Variants in SRGAP2C observed in about 807,000 individuals in gnomAD.
The protein encoded by SRGAP2C is SLIT-ROBO Rho GTPase-activating protein 2C.
SRGAP2C carries 15 observed loss-of-function variants against 25.1 expected under a neutral mutation model. The ratio of observed to expected loss-of-function variants is 0.60; its 90% CI spans 0.40 to 0.92. The LOEUF is 0.92. Among genes scored for constraint, SRGAP2C ranks in the 40% least tolerant of loss-of-function variants. The pLI, the probability that SRGAP2C is intolerant of heterozygous loss-of-function variation, is 0.00. For missense variants in SRGAP2C, 144 were observed against 264.4 expected (o/e 0.54, Z 3.16); for synonymous variants, 44 against 96.6 (o/e 0.46, Z 3.19).
At chr1:121,249,580 A>ATATTTT in intron 2 of SRGAP2C, among the ~76,000 whole-genome samples, 1 of 22,372 alleles carries the variant, frequency 4.5e-5, no homozygotes, top group East Asian at 2.4e-3. Flanking sequence ...ATATATATAT[A>ATATTTT]TTTTTTTTTT....
chr1:121,351,731 A>T lies in SRGAP2C; in HGVS notation c.424-13562A>T, dbSNP rs1469125737. Among the ~76,000 whole-genome samples the T allele has an allele frequency of 4.0e-5, 6 of 148,636 alleles. No homozygotes were observed. The East Asian group carries it at 1.2e-3, about 29-fold the overall frequency. On this transcript the variant is annotated intron_variant, in intron 4 of 9. Coordinates refer to ENST00000367123, the MANE Select transcript of SRGAP2C (RefSeq NM_001329984.2). ...AAACAAAGTATGGCATACCTATACAATTTAAACAAAATGTGTCATGTCCAT... is the reference window on the plus strand; with the variant it reads ...AAACAAAGTATGGCATACCTATACATTTTAAACAAAATGTGTCATGTCCAT...
chr1:121,249,572 ATATATATAT>A (rs1426097534), intron 2 of SRGAP2C, among the ~76,000 whole-genome samples: 11 of 27,490 alleles, frequency 4.0e-4, no homozygotes, highest in African/African-American at 6.3e-4. Context: ...ATATATATAT[ATATATATAT>A]TTTTTTTTTT....
In SRGAP2C at chr1:121,269,923, AT is replaced by A. The variant is rs587736467; in HGVS notation, c.68-14879del. ...TAAACTTCCTTGCACTACTCTTCCT[AT>A]CTCTCAATTTTTATAGCTTATCTTT... On this transcript the variant is annotated intron_variant, in intron 2 of 9. Transcript: ENST00000367123. 6.1e-3 allele frequency among the ~76,000 whole-genome samples: 921 copies of A among 151,392 alleles called. 15 individuals carry two copies. The highest frequency in any genetic ancestry group is 0.021 in the African/African-American group (850 of 41,366).
chr1:121,263,156 C>A (rs1553333756), intron 2 of SRGAP2C, among the ~76,000 whole-genome samples: 1 of 151,014 alleles, frequency 6.6e-6, no homozygotes, highest in Non-Finnish European at 1.5e-5. Flanking sequence ...GAGTTTGAGA[C>A]CAGCCTGGCC....
At chr1:121,361,763 T>C (rs1415625982) in intron 4 of SRGAP2C, 15 of 150,612 alleles carry the variant, frequency 1.0e-4, no homozygotes, top group African/African-American at 3.5e-4. Flanking sequence ...ATTCTAAATT[T>C]AGGCATCTTT....
At chr1:121,289,403 G>A (rs1199857622) in intron 3 of SRGAP2C, among the ~76,000 whole-genome samples, 19 of 151,806 alleles carry the variant, frequency 1.3e-4, no homozygotes, top group African/African-American at 3.1e-4. Flanking sequence ...CTCCGAGTGC[G>A]GGGCCCACCA....
chr1:121,322,866 T>C (rs1164351201), intron 3 of SRGAP2C, among the ~76,000 whole-genome samples: 2 of 152,066 alleles, frequency 1.3e-5, no homozygotes, highest in African/African-American at 4.8e-5. Context: ...ACTGACCCAA[T>C]AACCAAGCTA....
chr1:121,312,653 T>A (rs1264753722), intron 3 of SRGAP2C, among the ~76,000 whole-genome samples: 1 of 106,172 alleles, frequency 9.4e-6, no homozygotes, highest in Non-Finnish European at 2.0e-5. Flanking sequence ...TCAAAGAACA[T>A]CTTTATTTCT....
At chr1:121,199,064 A>G (rs1215175745) in intron 2 of SRGAP2C, among the ~76,000 whole-genome samples, 2 of 152,046 alleles carry the variant, frequency 1.3e-5, no homozygotes, top group East Asian at 3.9e-4. Context: ...AGTGCTTCTT[A>G]TGTCTCAGCT....
chr1:121,221,991 C>G (rs1260696193), intron 2 of SRGAP2C, among the ~76,000 whole-genome samples: 1 of 152,124 alleles, frequency 6.6e-6, no homozygotes, highest in Non-Finnish European at 1.5e-5. Context: ...GTGGATGTCA[C>G]TCTTCTTCAG....
intron 2 of SRGAP2C, among the ~76,000 whole-genome samples, chr1:121,201,529 G>T (rs1654977164): frequency 2.0e-5 from 3 of 152,142 alleles, no homozygotes; most frequent in African/African-American, 7.3e-5. Flanking sequence ...ACCTTCTCTT[G>T]TGTTAAATCT....
chr1:121,365,865 C>T lies in SRGAP2C; in HGVS notation c.486+510C>T, dbSNP rs1165022703. Among the ~76,000 whole-genome samples, 3 of 130,070 alleles carry T rather than the reference C, an allele frequency of 2.3e-5. No homozygotes were observed. In the East Asian group the frequency reaches 7.9e-4, roughly 34 times the overall value. The allele number at this position is 130,070 out of a possible 152,430, so 85.3% of individuals were successfully genotyped here. On this transcript the variant is annotated intron_variant, in intron 5 of 9. Coordinates refer to ENST00000367123, the MANE Select transcript of SRGAP2C (RefSeq NM_001329984.2). The stretch of plus-strand genomic sequence containing the variant: ...GAGGGACCAGTTTGAGCAGAGAGAG[C>T]TTTGCACTGGCTTCCTGGAGTTTTA...
intron 2 of SRGAP2C, among the ~76,000 whole-genome samples, chr1:121,244,009 G>A (rs1208818987): frequency 6.8e-6 from 1 of 146,398 alleles, no homozygotes; most frequent in Non-Finnish European, 1.5e-5. Context: ...CAGTATTGGA[G>A]GAAGGTGTTA....
intron 2 of SRGAP2C, among the ~76,000 whole-genome samples, chr1:121,239,206 A>ATATAC (rs1656043164): frequency 2.2e-4 from 1 of 4,580 alleles, no homozygotes; most frequent in Non-Finnish European, 3.0e-4. Flanking sequence ...ATATATATAT[A>ATATAC]TATATATATA....
chr1:121,391,226 T>C lies in SRGAP2C; in HGVS notation c.*3371T>C, dbSNP rs1660072024. Reference sequence around the variant, plus strand: ...ACACAAAAAAATTAGCTGGGCGTGGTGGCGCATGCCTCATTCACGTACATG... The same window carrying C: ...ACACAAAAAAATTAGCTGGGCGTGGCGGCGCATGCCTCATTCACGTACATG... On this transcript the variant is annotated 3_prime_UTR_variant, in exon 10 of 10. Transcript: ENST00000367123. 6.6e-6 allele frequency: 1 copy of C among 151,912 alleles called. No homozygotes were observed. Among genetic ancestry groups the C allele is most frequent in the South Asian group, 2.1e-4 (1 of 4,816 alleles). The allele number at this position is 151,912 out of a possible 1,614,324, so 9.4% of individuals were successfully genotyped here.
chr1:121,369,546 C>T (rs1193485370), intron 5 of SRGAP2C, among the ~76,000 whole-genome samples: 74 of 152,056 alleles, frequency 4.9e-4, no homozygotes, highest in African/African-American at 1.7e-3. Flanking sequence ...TGTGTGCTGG[C>T]AGAGCTACTT....
At chr1:121,370,428 T>G (rs1196237912) in intron 5 of SRGAP2C, among the ~76,000 whole-genome samples, 1 of 134,790 alleles carries the variant, frequency 7.4e-6, no homozygotes, top group Non-Finnish European at 1.6e-5. Flanking sequence ...GCCTCACTGT[T>G]CTCAGACTTC....
chr1:121,315,260 C>A (rs1570778526), intron 3 of SRGAP2C, among the ~76,000 whole-genome samples: 1 of 152,124 alleles, frequency 6.6e-6, no homozygotes, highest in East Asian at 1.9e-4. Flanking sequence ...CTTCCCACCT[C>A]AGCCTCCTGA....
At chr1:121,339,362 G>A (rs1482200621) in intron 4 of SRGAP2C, among the ~76,000 whole-genome samples, 12 of 150,348 alleles carry the variant, frequency 8.0e-5, no homozygotes, top group Admixed American at 1.3e-4. Context: ...AGTGATTCTC[G>A]TGCCTCAGCC....
Sources: allele counts gnomAD v4.1 joint callset (sites outside exome capture counted in the v4.1 genomes callset), GRCh38; gene constraint gnomAD v4.1.1; transcripts MANE v1.5; gene names NCBI Gene and HGNC (gene_info 2026-07-23, HGNC 2026-07-21).